The following UNC13C variants were observed in gnomAD, a reference collection of about 807,000 sequenced individuals.
UNC13C encodes the protein protein unc-13 homolog C.
A neutral mutation model predicts 245.4 loss-of-function variants in UNC13C; 174 were observed. The observed-to-expected ratio is 0.71, with a 90% CI of 0.63 to 0.80. The LOEUF (loss-of-function observed/expected upper bound fraction) is 0.80. UNC13C is among the 30% of genes least tolerant of loss of function. The pLI, the probability that UNC13C is intolerant of heterozygous loss-of-function variation, is 0.00. For missense variants in UNC13C, 2,829 were observed against 2,602.9 expected (o/e 1.09, Z -1.89); for synonymous variants, 992 against 895.1 (o/e 1.11, Z -1.93).
rs1343618392 is a variant in UNC13C at position 54,402,177 on chromosome 15, A to G, written c.4847+8996A>G. On this transcript the variant is annotated intron_variant, in intron 18 of 32. Coordinates refer to ENST00000260323, the MANE Select transcript of UNC13C (RefSeq NM_001080534.3). ...GCAGTTCATAGTGGGCAGAATAGGT[A>G]GCGAAAAAACCCACAGATCTGTTGT... Among the ~76,000 whole-genome samples, 8 of 152,138 alleles carry G rather than the reference A, an allele frequency of 5.3e-5. No individual in the cohort carries two copies. In the East Asian group the frequency reaches 1.5e-3, roughly 29 times the overall value.
the UNC13C span, among the ~76,000 whole-genome samples, chr15:53,854,121 G>GGTTTTTTT: frequency 2.8e-4 from 22 of 78,728 alleles, 1 homozygote; most frequent in East Asian, 1.0e-3. Flanking sequence ...GGTTTTTATA[G>GGTTTTTTT]GTTTTTTTTT....
chr15:54,505,559 T>G (rs1446925340), intron 22 of UNC13C, among the ~76,000 whole-genome samples: 2 of 152,160 alleles, frequency 1.3e-5, no homozygotes, highest in African/African-American at 4.8e-5. Flanking sequence ...AACAGCTTAT[T>G]AGTATTAAAG....
chr15:54,109,277 TCCCCTCCCCTC>T (rs1900631343), intron 2 of UNC13C, among the ~76,000 whole-genome samples: 10 of 43,278 alleles, frequency 2.3e-4, no homozygotes, highest in South Asian at 1.3e-3. Flanking sequence ...TCTCCTCCCC[TCCCCTCCCCTC>T]CCCTCCCTTC....
chr15:54,085,685 G>A (rs979187652), intron 2 of UNC13C, among the ~76,000 whole-genome samples: 1 of 152,018 alleles, frequency 6.6e-6, no homozygotes, highest in Non-Finnish European at 1.5e-5. Flanking sequence ...GCCCTCAAGT[G>A]ATCCTCTTGC....
rs138053284 is a variant in UNC13C, at chr15:54,292,690, T to C, written c.3819-1205T>C. Among the ~76,000 whole-genome samples, 3 of 151,844 alleles carry C rather than the reference T, an allele frequency of 2.0e-5. No homozygotes were observed. The East Asian group carries it at 5.8e-4, about 29-fold the overall frequency. On this transcript the variant is annotated intron_variant, in intron 10 of 32. Transcript: ENST00000260323. ...AATTCATAGAATTAAATCAATTATA[T>C]TGAAACACAGTTTTAGTTTAATGAT...
intron 14 of UNC13C, among the ~76,000 whole-genome samples, chr15:54,324,699 A>G (rs1197012893): frequency 6.6e-6 from 1 of 152,064 alleles, no homozygotes; most frequent in East Asian, 1.9e-4. Context: ...ATTTTGGGAA[A>G]AGGGTAGTAT....
rs753460509 is a variant in UNC13C, at chr15:54,626,916, G to A, written c.6448G>A (p.Gly2150Arg). The A allele has an allele frequency of 8.7e-6, 14 of 1,613,168 alleles. No homozygotes were observed. The highest frequency in any genetic ancestry group is 1.7e-5 in the Admixed American group (1 of 59,854). ...CTTTGCCAGAGAAGATCGAATTATC[G>A]GAATGACAGTCATTCAGCTACAGAA... ...YCFAREDRII[G>R]MTVIQLQNIA... Residue 2150 changes from glycine to arginine, a missense_variant, in exon 33 of 33, where the codon GGA becomes AGA. Coordinates refer to ENST00000260323, the MANE Select transcript of UNC13C (RefSeq NM_001080534.3).
intron 2 of UNC13C, among the ~76,000 whole-genome samples, chr15:54,052,565 G>A (rs184711784): frequency 6.6e-6 from 1 of 152,172 alleles, no homozygotes; most frequent in Admixed American, 6.5e-5. Context: ...TTTTACAGAG[G>A]TTGTAATAAA....
the UNC13C span, among the ~76,000 whole-genome samples, chr15:53,897,616 C>T: frequency 6.6e-6 from 1 of 152,164 alleles, no homozygotes; most frequent in African/African-American, 2.4e-5. Context: ...TACAACTCAA[C>T]TGAATTGATC....
At chr15:54,375,946 A>C (rs1042649283) in intron 17 of UNC13C, among the ~76,000 whole-genome samples, 3 of 152,032 alleles carry the variant, frequency 2.0e-5, no homozygotes, top group African/African-American at 7.2e-5. Context: ...GAAAACAAAC[A>C]CCCATTTGCA....
At chr15:54,006,784 C>G (rs1895155605) in intron 1 of UNC13C, among the ~76,000 whole-genome samples, 1 of 152,200 alleles carries the variant, frequency 6.6e-6, no homozygotes, top group African/African-American at 2.4e-5. Flanking sequence ...TGTGGCTCCT[C>G]ACACGCTATT....
At chr15:53,979,606 G>A (rs1893843773) in intron 1 of UNC13C, among the ~76,000 whole-genome samples, 1 of 152,100 alleles carries the variant, frequency 6.6e-6, no homozygotes, top group African/African-American at 2.4e-5. Context: ...CAATATACTT[G>A]TATCATCAAG....
At chr15:54,005,353 T>C (rs546262328) in intron 1 of UNC13C, among the ~76,000 whole-genome samples, 39 of 152,334 alleles carry the variant, frequency 2.6e-4, no homozygotes, top group Admixed American at 7.8e-4. Context: ...ATAGTGTTTA[T>C]GAGAAAGGGC....
At chr15:54,008,408 C>T (rs887589985) in intron 1 of UNC13C, among the ~76,000 whole-genome samples, 3 of 152,162 alleles carry the variant, frequency 2.0e-5, no homozygotes, top group South Asian at 2.1e-4. Context: ...ATTGCATACA[C>T]AGTGCTTGGT....
At chr15:54,381,171 G>T (rs1352419771) in intron 17 of UNC13C, among the ~76,000 whole-genome samples, 1 of 152,082 alleles carries the variant, frequency 6.6e-6, no homozygotes, top group East Asian at 1.9e-4. Flanking sequence ...TTATTCTTCT[G>T]CATGTGGATG....
intron 14 of UNC13C, among the ~76,000 whole-genome samples, chr15:54,330,585 T>TA (rs2038412392): frequency 1.3e-5 from 2 of 152,042 alleles, no homozygotes; most frequent in African/African-American, 4.8e-5. Flanking sequence ...CCAGAGATGT[T>TA]ACACGAATCA....
intron 10 of UNC13C, among the ~76,000 whole-genome samples, chr15:54,290,085 G>A (rs752895361): frequency 1.3e-4 from 19 of 151,996 alleles, no homozygotes; most frequent in Non-Finnish European, 2.2e-4. Flanking sequence ...ACACCCTTAC[G>A]TAATCTTCAA....
intron 20 of UNC13C, among the ~76,000 whole-genome samples, chr15:54,499,453 A>G (rs1043934183): frequency 6.6e-6 from 1 of 152,142 alleles, no homozygotes. Flanking sequence ...AGGGAATAAA[A>G]TAGTCCAGAG....
the UNC13C span, among the ~76,000 whole-genome samples, chr15:53,845,784 G>C: frequency 6.6e-6 from 1 of 152,068 alleles, no homozygotes; most frequent in Non-Finnish European, 1.5e-5. Context: ...GGAAATTTTA[G>C]GTATTAATAA....
Sources: allele counts gnomAD v4.1 joint callset (sites outside exome capture counted in the v4.1 genomes callset), GRCh38; gene constraint gnomAD v4.1.1; transcripts MANE v1.5; gene names NCBI Gene and HGNC (gene_info 2026-07-23, HGNC 2026-07-21).